FSTL4: variants seen among roughly 807,000 people sequenced by gnomAD.
FSTL4 encodes follistatin like 4, also known as follistatin-related protein 4.
In FSTL4, 28 loss-of-function variants were observed where a neutral mutation model predicts 78.2. The observed-to-expected ratio is 0.36, with a 90% confidence interval of 0.27 to 0.49. FSTL4 has a LOEUF of 0.49. Among genes scored for constraint, FSTL4 ranks in the 20% least tolerant of loss-of-function variants. The pLI is 0.98. For synonymous variants in FSTL4, 422 were observed against 440.5 expected (o/e 0.96, Z 0.53); for missense variants, 922 against 1,084.9 (o/e 0.85, Z 2.11).
At chr5:133,324,857 T>C (rs1341856442) in intron 4 of FSTL4, among the ~76,000 whole-genome samples, 2 of 152,220 alleles carry the variant, frequency 1.3e-5, no homozygotes. Context: ...ATCATGTCAG[T>C]TCCTTGGGGG....
At chr5:133,449,105 A>G (rs1394046323) in intron 3 of FSTL4, among the ~76,000 whole-genome samples, 2 of 152,142 alleles carry the variant, frequency 1.3e-5, no homozygotes, top group Non-Finnish European at 2.9e-5. Context: ...CCTGAAGATG[A>G]CCCCAAACAA....
At chr5:133,439,371 T>C (rs916317970) in intron 3 of FSTL4, among the ~76,000 whole-genome samples, 1 of 152,198 alleles carries the variant, frequency 6.6e-6, no homozygotes, top group Non-Finnish European at 1.5e-5. Flanking sequence ...CCTGGAGCCA[T>C]GAATTTCTAC....
chr5:133,780,004 A>G, the FSTL4 span, among the ~76,000 whole-genome samples: 65 of 152,294 alleles, frequency 4.3e-4, no homozygotes, highest in African/African-American at 1.5e-3. Context: ...CTGTGACCCA[A>G]TACCTCTGGG....
At chr5:133,285,072 G>C (rs1360826959) in intron 6 of FSTL4, among the ~76,000 whole-genome samples, 1 of 152,230 alleles carries the variant, frequency 6.6e-6, no homozygotes, top group Non-Finnish European at 1.5e-5. Flanking sequence ...GCGGCCCTGA[G>C]AGTGGTCAAA....
At chr5:133,352,947 T>C (rs1198435169) in intron 4 of FSTL4, among the ~76,000 whole-genome samples, 1 of 152,230 alleles carries the variant, frequency 6.6e-6, no homozygotes, top group Non-Finnish European at 1.5e-5. Context: ...TATATTTTAA[T>C]CAAAGATACA....
chr5:133,548,916 G>A (rs1160309327), intron 3 of FSTL4, among the ~76,000 whole-genome samples: 7 of 152,122 alleles, frequency 4.6e-5, no homozygotes, highest in African/African-American at 1.7e-4. Flanking sequence ...ATTGACCAAT[G>A]TTTTCTCTTA....
chr5:133,666,748 T>A, the FSTL4 span, among the ~76,000 whole-genome samples: 1 of 152,218 alleles, frequency 6.6e-6, no homozygotes, highest in African/African-American at 2.4e-5. Flanking sequence ...AAAACTTTTT[T>A]CTCTCTTATT....
At chr5:133,724,795 C>T in the FSTL4 span, among the ~76,000 whole-genome samples, 3 of 152,060 alleles carry the variant, frequency 2.0e-5, no homozygotes, top group Non-Finnish European at 4.4e-5. Context: ...TCTGCCTATC[C>T]GAAAGTCATG....
the FSTL4 span, among the ~76,000 whole-genome samples, chr5:133,656,689 C>T: frequency 6.6e-6 from 1 of 152,114 alleles, no homozygotes; most frequent in South Asian, 2.1e-4. Flanking sequence ...GCATTAGAGG[C>T]CCAGCCAAGT....
chr5:133,579,221 C>T (rs1302202723), intron 2 of FSTL4, among the ~76,000 whole-genome samples: 1 of 152,196 alleles, frequency 6.6e-6, no homozygotes, highest in Non-Finnish European at 1.5e-5. Context: ...CAGCGCCTGG[C>T]GTAGCGTAGG....
In FSTL4 at chr5:133,225,035, C is replaced by A; in HGVS notation, c.1312+115G>T. The A allele has an allele frequency of 1.6e-6, 2 of 1,218,150 alleles. No individual in the cohort carries two copies. Among genetic ancestry groups the A allele is most frequent in the East Asian group, 2.3e-5 (1 of 42,960 alleles). The allele number at this position is 1,218,150 out of a possible 1,614,324, so 75.5% of individuals were successfully genotyped here. A position where few individuals can be genotyped will look rare whatever the true frequency, so the allele number is the denominator to read the frequency against. On this transcript the variant is annotated intron_variant, in intron 10 of 15. Coordinates refer to ENST00000265342, the MANE Select transcript of FSTL4 (RefSeq NM_015082.2). This position sits in a 1 kb window ranked among gnomAD's most constrained non-coding sequence, Gnocchi z 4.6. Reference sequence around the variant, plus strand: ...TGCAAAGAGGGATATGAGGCTTACCCCTGTCTTCACGGGCTCATGGTTGGC... The same window carrying A: ...TGCAAAGAGGGATATGAGGCTTACCACTGTCTTCACGGGCTCATGGTTGGC...
chr5:133,273,266 T>C (rs1752806730), intron 6 of FSTL4, among the ~76,000 whole-genome samples: 1 of 152,258 alleles, frequency 6.6e-6, no homozygotes, highest in Non-Finnish European at 1.5e-5. Flanking sequence ...ATAAAATCAA[T>C]GTAAAAATTA....
intron 8 of FSTL4, among the ~76,000 whole-genome samples, chr5:133,230,019 C>G (rs1481792465): frequency 6.6e-6 from 1 of 152,246 alleles, no homozygotes; most frequent in Non-Finnish European, 1.5e-5. Flanking sequence ...CCAGGAAGTG[C>G]TTCCTGATGT....
intron 14 of FSTL4, 45 bp from the exon 15 acceptor site, chr5:133,202,087 G>A: frequency 7.6e-7 from 1 of 1,323,622 alleles, no homozygotes; most frequent in Non-Finnish European, 1.1e-6. Context: ...ATGCAGGTGG[G>A]GGCTGAACCT....
At chr5:133,357,945 C>T (rs533127407) in intron 4 of FSTL4, among the ~76,000 whole-genome samples, 2 of 152,330 alleles carry the variant, frequency 1.3e-5, no homozygotes, top group Non-Finnish European at 2.9e-5. Flanking sequence ...GTGCTGGTGC[C>T]CACTCAGGAG....
At chr5:133,335,707 A>C (rs2126913408) in intron 4 of FSTL4, among the ~76,000 whole-genome samples, 1 of 151,672 alleles carries the variant, frequency 6.6e-6, no homozygotes, top group South Asian at 2.1e-4. Flanking sequence ...CAGAGTCCAA[A>C]TTCTGCACTT....
chr5:133,798,954 G>GAGGGAGGGAGGGAGGA, the FSTL4 span, among the ~76,000 whole-genome samples: 1 of 119,518 alleles, frequency 8.4e-6, no homozygotes, highest in Non-Finnish European at 1.8e-5. Context: ...ATAAGGAAGG[G>GAGGGAGGGAGGGAGGA]AGGGAGGGAG....
At chr5:133,820,942 G>A in the FSTL4 span, among the ~76,000 whole-genome samples, 1 of 152,172 alleles carries the variant, frequency 6.6e-6, no homozygotes, top group African/African-American at 2.4e-5. Flanking sequence ...GCTATTTTCA[G>A]AAAAGGGTGG....
the FSTL4 span, among the ~76,000 whole-genome samples, chr5:133,745,457 A>G: frequency 5.9e-5 from 9 of 152,238 alleles, no homozygotes; most frequent in East Asian, 1.9e-4. Flanking sequence ...GCTGTGTAAA[A>G]TTTATAAATC....
Sources: gnomAD v4.1 joint callset for allele counts (sites outside exome capture counted in the v4.1 genomes callset) on GRCh38, gnomAD v4.1.1 for gene constraint, Gnocchi (gnomAD v3.1) non-coding constraint, MANE v1.5 for transcripts, NCBI Gene and HGNC (gene_info 2026-07-23, HGNC 2026-07-21) for gene names.